CLPTM1: variants seen among roughly 807,000 people sequenced by gnomAD.
CLPTM1 encodes putative lipid scramblase CLPTM1.
A neutral mutation model predicts 77.3 loss-of-function variants in CLPTM1; 21 were observed. The observed-to-expected ratio is 0.27, with a 90% CI of 0.19 to 0.39. CLPTM1 has a LOEUF of 0.39. CLPTM1 is among the 10% of genes least tolerant of loss of function. The pLI is 1.00. For missense variants in CLPTM1, 642 were observed against 921.2 expected, an observed-to-expected ratio of 0.70 and a Z score of 3.92; for synonymous variants, 373 against 381.0, an observed-to-expected ratio of 0.98 and a Z score of 0.24.
Position 44,992,964 on chromosome 19 carries a change from T to A in CLPTM1, c.*67T>A, listed in dbSNP as rs1437617932. 6.5e-7 allele frequency: 1 copy of A among 1,537,914 alleles called. No homozygotes were observed. The highest frequency in any genetic ancestry group is 8.8e-7 in the Non-Finnish European group (1 of 1,134,310). ...ACCCCTGCGTCCCGGCCCCCTCGCC[T>A]CCCCTCCCTGTCGCCCTTTCCCTGG... On this transcript the variant is annotated 3_prime_UTR_variant, in exon 14 of 14. Coordinates refer to ENST00000337392, the MANE Select transcript of CLPTM1 (RefSeq NM_001294.4). This position sits in a 1 kb window ranked among gnomAD's most constrained non-coding sequence, Gnocchi z 7.7.
chr19:44,992,419 G>C lies in CLPTM1; in HGVS notation c.1723+19G>C. 1 of 1,613,950 alleles carries C rather than the reference G, an allele frequency of 6.2e-7. No homozygotes were observed. The highest frequency in any genetic ancestry group is 8.5e-7 in the Non-Finnish European group (1 of 1,179,892). ...CGGGACGGTGAGGCCCGGTGGGCAG[G>C]TGGGAGCTCCCACCGGAACAGGGCC... On this transcript the variant is annotated intron_variant, in intron 13 of 13. Transcript: ENST00000337392. The surrounding 1 kb of genome is among the most constrained non-coding windows in gnomAD (Gnocchi z 7.7).
At chr19:44,955,221 G>T (rs535642102), upstream of CLPTM1, 1 of 1,521,236 alleles carries the variant, frequency 6.6e-7, no homozygotes, top group Non-Finnish European at 8.8e-7. Context: ...GAGTACGGTG[G>T]CCAGGTTGGT....
Position 44,973,250 on chromosome 19 carries a change from G to A in CLPTM1, c.309+40G>A, listed in dbSNP as rs773491239. On this transcript the variant is annotated intron_variant, in intron 3 of 13. Transcript: ENST00000337392. Reference sequence around the variant, plus strand: ...GTAGGGCAGACTTGGGAGGTGATGGGGTGTGGAGGGGTGGAATGTGGAGGA... The same window carrying A: ...GTAGGGCAGACTTGGGAGGTGATGGAGTGTGGAGGGGTGGAATGTGGAGGA... The A allele has an allele frequency of 4.3e-6, 7 of 1,612,990 alleles. No homozygotes were observed. In the South Asian group the frequency reaches 5.5e-5, roughly 13 times the overall value.
At chr19:44,973,482 AT>A (rs1264306836) in intron 3 of CLPTM1, among the ~76,000 whole-genome samples, 4 of 152,218 alleles carry the variant, frequency 2.6e-5, no homozygotes, top group Non-Finnish European at 5.9e-5. Context: ...TTTGGATGTT[AT>A]ATTTCAAAAG....
intron 2 of CLPTM1, among the ~76,000 whole-genome samples, chr19:44,968,558 C>G (rs1025199386): frequency 6.6e-6 from 1 of 152,206 alleles, no homozygotes; most frequent in South Asian, 2.1e-4. Flanking sequence ...CTCCTGCAGG[C>G]CTGGGTGCAT....
chr19:44,989,264 A>C (rs1184416943), intron 9 of CLPTM1, among the ~76,000 whole-genome samples: 1 of 152,212 alleles, frequency 6.6e-6, no homozygotes, highest in African/African-American at 2.4e-5. Flanking sequence ...CCAGCCATCT[A>C]CCAGCTGTCG....
At position 44,991,740 on chromosome 19, in the gene CLPTM1, C is replaced by CA. The variant is rs1396662850; in HGVS notation, c.1555+374dup. On this transcript the variant is annotated intron_variant, in intron 12 of 13. Transcript: ENST00000337392. This position sits in a 1 kb window ranked among gnomAD's most constrained non-coding sequence, Gnocchi z 5.4. Reference sequence around the variant, plus strand: ...GCAACTTGGCAAGACCCGATCTCTACAAAAAAACACAGAAATTATTGGGGA... The same window carrying CA: ...GCAACTTGGCAAGACCCGATCTCTACAAAAAAAACACAGAAATTATTGGGGA... Among the ~76,000 whole-genome samples, 2 of 151,918 alleles carry CA rather than the reference C, an allele frequency of 1.3e-5. No homozygotes were observed. Among genetic ancestry groups the CA allele is most frequent in the African/African-American group, 2.4e-5 (1 of 41,352 alleles).
intron 7 of CLPTM1, 41 bp downstream of exon 7, chr19:44,986,616 A>C: frequency 6.2e-7 from 1 of 1,604,818 alleles, no homozygotes. Context: ...AGAGCCTTTG[A>C]GAGGGTGCTC....
Position 44,993,229 on chromosome 19 carries a change from C to T in CLPTM1, c.*332C>T, listed in dbSNP as rs539347707. 3.4e-4 allele frequency: 183 copies of T among 538,184 alleles called. No homozygotes were observed. Among genetic ancestry groups the T allele is most frequent in the East Asian group, 3.3e-3 (77 of 23,022 alleles). The allele number at this position is 538,184 out of a possible 1,614,324, so 33.3% of individuals were successfully genotyped here. On this transcript the variant is annotated 3_prime_UTR_variant, in exon 14 of 14. Transcript: ENST00000337392. The stretch of plus-strand genomic sequence containing the variant: ...GCCGGGCCCCCCTACGGGATGCCCA[C>T]GGCCGTTCATCATCTTGTCCCTCGT...
chr19:44,959,755 G>A (rs1053311403), intron 1 of CLPTM1, among the ~76,000 whole-genome samples: 6 of 152,304 alleles, frequency 3.9e-5, no homozygotes, highest in East Asian at 1.9e-4. Context: ...CATATTTTCC[G>A]AAGTAGCTGT....
rs1026944887 is a variant in CLPTM1, at chr19:44,970,636, A to G, written c.186-2451A>G. Among the ~76,000 whole-genome samples the G allele has an allele frequency of 1.4e-4, 20 of 145,712 alleles. 3 individuals carry two copies. Among genetic ancestry groups the G allele is most frequent in the African/African-American group, 5.4e-4 (20 of 36,878 alleles). The stretch of plus-strand genomic sequence containing the variant: ...GGTCTCAAACTCCTGGGCTCAAGCA[A>G]TCCACCTACCTCAGCCTCCCAGCGT... On this transcript the variant is annotated intron_variant, in intron 2 of 13. Coordinates refer to ENST00000337392, the MANE Select transcript of CLPTM1 (RefSeq NM_001294.4).
chr19:44,985,065 T>G (rs1970956512), intron 5 of CLPTM1, among the ~76,000 whole-genome samples, 153 bp from the exon 6 acceptor site: 1 of 152,114 alleles, frequency 6.6e-6, no homozygotes, highest in African/African-American at 2.4e-5. Flanking sequence ...GGGAGGCAGT[T>G]CTGGCATTCC....
chr19:44,987,433 G>A lies in CLPTM1; in HGVS notation c.1038+10G>A, dbSNP rs1285241620. Reference sequence around the variant, plus strand: ...GCAGGACTCGGTGAAGGTGAGTGCGGCCGGTGTGGGCGGGACTTCCCGGTG... The same window carrying A: ...GCAGGACTCGGTGAAGGTGAGTGCGACCGGTGTGGGCGGGACTTCCCGGTG... On this transcript the variant is annotated intron_variant, in intron 8 of 13. Transcript: ENST00000337392. 6.2e-7 allele frequency: 1 copy of A among 1,611,960 alleles called. No individual in the cohort carries two copies. The highest frequency in any genetic ancestry group is 2.2e-5 in the East Asian group (1 of 44,876).
rs143359259 is a variant in CLPTM1, at chr19:44,991,255, G to A, written c.1437G>A (p.Leu479=). The A allele has an allele frequency of 1.2e-6, 2 of 1,614,048 alleles. No homozygotes were observed. The highest frequency in any genetic ancestry group is 2.7e-5 in the African/African-American group (2 of 75,042). The change falls in exon 12 of 14, where the codon CTG becomes CTA. Residue 479 remains leucine, a synonymous_variant. Transcript: ENST00000337392. This position sits in a 1 kb window ranked among gnomAD's most constrained non-coding sequence, Gnocchi z 5.4. ...CCCCACAGATGGCATTCCGGTACCTGTCCTGGATCCTCTTCCCGCTCCTGG... is the reference window on the plus strand; with the variant it reads ...CCCCACAGATGGCATTCCGGTACCTATCCTGGATCCTCTTCCCGCTCCTGG... ...KVYDDMAFRY[L]SWILFPLLGC...
At chr19:44,973,340 G>C in intron 3 of CLPTM1, 130 bp downstream of exon 3, 9 of 1,259,832 alleles carry the variant, frequency 7.1e-6, no homozygotes, top group Non-Finnish European at 9.9e-6. Flanking sequence ...AACAGGTCCA[G>C]GGTTGAGGAA....
chr19:44,975,113 G>A (rs1970785972), intron 4 of CLPTM1, among the ~76,000 whole-genome samples: 1 of 152,198 alleles, frequency 6.6e-6, no homozygotes, highest in African/African-American at 2.4e-5. Context: ...TTCAGACTCA[G>A]GCTCTACGGC....
At chr19:44,985,347 C>A in intron 6 of CLPTM1, 44 bp downstream of exon 6, 1 of 1,322,422 alleles carries the variant, frequency 7.6e-7, no homozygotes, top group Non-Finnish European at 1.1e-6. Flanking sequence ...CCAAGCCAGG[C>A]CATTCACAGC....
intron 3 of CLPTM1, 77 bp from the exon 4 acceptor site, chr19:44,974,362 G>T: frequency 6.8e-7 from 1 of 1,468,392 alleles, no homozygotes; most frequent in Non-Finnish European, 9.3e-7. Flanking sequence ...TGTGCTGACC[G>T]CTGCCATAGC....
chr19:44,957,143 CT>C (rs1202605187), intron 1 of CLPTM1, among the ~76,000 whole-genome samples: 1 of 152,262 alleles, frequency 6.6e-6, no homozygotes, highest in Non-Finnish European at 1.5e-5. Flanking sequence ...AGGGGATCCG[CT>C]GCTCTGAACC....
Sources: allele counts gnomAD v4.1 joint callset (sites outside exome capture counted in the v4.1 genomes callset), GRCh38; gene constraint gnomAD v4.1.1; non-coding constraint Gnocchi (gnomAD v3.1); transcripts MANE v1.5; gene names NCBI Gene and HGNC (gene_info 2026-07-23, HGNC 2026-07-21).